Variants in UBN2 observed in about 807,000 individuals in gnomAD.
UBN2 encodes ubinuclein 2.
A neutral mutation model predicts 120.2 loss-of-function variants in UBN2; 35 were observed. That is an observed-to-expected ratio of 0.29 (90% CI 0.22 to 0.39). UBN2 has a LOEUF of 0.39. Among genes scored for constraint, UBN2 ranks in the 10% least tolerant of loss-of-function variants. The pLI, the probability that UBN2 is intolerant of heterozygous loss-of-function variation, is 1.00. For missense variants in UBN2, 1,693 were observed against 1,663.2 expected (o/e 1.02, Z -0.31); for synonymous variants, 661 against 648.7 (o/e 1.02, Z -0.29).
chr7:139,251,160 T>C (rs923293608), intron 2 of UBN2, among the ~76,000 whole-genome samples: 7 of 152,040 alleles, frequency 4.6e-5, no homozygotes, highest in East Asian at 1.9e-4. Flanking sequence ...GCCTGGGCAA[T>C]AGAGCAAGAC....
chr7:139,326,537 G>A, the UBN2 span, among the ~76,000 whole-genome samples: 1 of 151,754 alleles, frequency 6.6e-6, no homozygotes, highest in South Asian at 2.1e-4. Flanking sequence ...CAGAAGCTTT[G>A]TGAGTATAGG....
the UBN2 span, among the ~76,000 whole-genome samples, chr7:139,317,900 TGA>T: frequency 6.6e-6 from 1 of 152,268 alleles, no homozygotes; most frequent in Admixed American, 6.5e-5. Flanking sequence ...TGACCTCAGG[TGA>T]CCCACCCGCC....
At chr7:139,318,504 T>C in the UBN2 span, among the ~76,000 whole-genome samples, 1 of 152,036 alleles carries the variant, frequency 6.6e-6, no homozygotes, top group African/African-American at 2.4e-5. Flanking sequence ...GGCTATTTTA[T>C]TTGTTTGTTT....
chr7:139,286,465 T>C (rs1211660426), intron 15 of UBN2, among the ~76,000 whole-genome samples: 1 of 152,224 alleles, frequency 6.6e-6, no homozygotes, highest in Non-Finnish European at 1.5e-5. Flanking sequence ...TCCTTTATGT[T>C]AATGATTTAG....
intron 7 of UBN2, among the ~76,000 whole-genome samples, chr7:139,268,006 G>T (rs1245160373): frequency 6.6e-6 from 1 of 152,150 alleles, no homozygotes; most frequent in Non-Finnish European, 1.5e-5. Context: ...TTCCACCTGG[G>T]AACCCGAAGT....
chr7:139,311,360 CTG>C (rs1203231664), downstream of UBN2, among the ~76,000 whole-genome samples: 5 of 152,184 alleles, frequency 3.3e-5, no homozygotes, highest in Non-Finnish European at 5.9e-5. Context: ...TCTGTTGTCT[CTG>C]TGTTTGTCCC....
intron 16 of UBN2, 122 bp from the exon 17 acceptor site, chr7:139,293,767 A>G: frequency 1.2e-6 from 1 of 858,530 alleles, no homozygotes; most frequent in Non-Finnish European, 1.9e-6. Flanking sequence ...AACGTGCTCT[A>G]GTTTTAGAAG....
chr7:139,266,419 T>C lies in UBN2; in HGVS notation c.1466+16T>C. ...TTCTTCTGGAGTAAGTAATTTTCTT[T>C]AAAAAAAAAAACCTTAAGAATGATA... On this transcript the variant is annotated intron_variant, in intron 7 of 17. Coordinates refer to ENST00000473989, the MANE Select transcript of UBN2 (RefSeq NM_173569.4). The C allele has an allele frequency of 1.8e-6, 2 of 1,108,982 alleles. No individual in the cohort carries two copies. The highest frequency in any genetic ancestry group is 2.5e-6 in the Non-Finnish European group (2 of 796,218). The allele number at this position is 1,108,982 out of a possible 1,614,324, so 68.7% of individuals were successfully genotyped here.
At chr7:139,294,835 C>T (rs1015981218) in intron 17 of UBN2, among the ~76,000 whole-genome samples, 12 of 151,942 alleles carry the variant, frequency 7.9e-5, no homozygotes, top group Non-Finnish European at 1.5e-4. Flanking sequence ...AGTAAGACTC[C>T]GTCTCAAAAA....
At chr7:139,261,196 G>A in intron 5 of UBN2, 56 bp from the exon 6 acceptor site, 1 of 1,520,378 alleles carries the variant, frequency 6.6e-7, no homozygotes, top group Non-Finnish European at 8.8e-7. Context: ...TTATTTATGT[G>A]ACACTTTAAC....
chr7:139,248,182 G>T (rs573494804), intron 2 of UBN2, among the ~76,000 whole-genome samples: 39 of 152,232 alleles, frequency 2.6e-4, no homozygotes, highest in African/African-American at 9.1e-4. Flanking sequence ...GTAATGGTTC[G>T]AAATAAGCTA....
At chr7:139,236,550 A>G (rs1243365359) in intron 1 of UBN2, among the ~76,000 whole-genome samples, 2 of 152,218 alleles carry the variant, frequency 1.3e-5, no homozygotes, top group Non-Finnish European at 2.9e-5. Flanking sequence ...CTAGAATTAT[A>G]AGTGAGATTT....
intron 2 of UBN2, among the ~76,000 whole-genome samples, chr7:139,244,507 T>TA (rs548953543): frequency 1.1e-4 from 16 of 150,808 alleles, no homozygotes; most frequent in South Asian, 2.1e-4. Flanking sequence ...CCCCATCTCT[T>TA]AAAAAAAAAG....
At chr7:139,313,778 G>A in the UBN2 span, among the ~76,000 whole-genome samples, 5 of 151,778 alleles carry the variant, frequency 3.3e-5, no homozygotes, top group Non-Finnish European at 5.9e-5. Flanking sequence ...TGGGAAGGTT[G>A]ATTATATGCA....
chr7:139,256,293 A>C (rs1044851456), intron 3 of UBN2, among the ~76,000 whole-genome samples: 5 of 152,204 alleles, frequency 3.3e-5, no homozygotes, highest in African/African-American at 1.2e-4. Flanking sequence ...GTGATCCTTA[A>C]ATTTTTCTTA....
intron 1 of UBN2, among the ~76,000 whole-genome samples, chr7:139,234,556 A>G (rs1337049370): frequency 2.6e-5 from 4 of 152,174 alleles, no homozygotes; most frequent in African/African-American, 4.8e-5. Context: ...TGTGATTGAG[A>G]TGGTTTAGGA....
Position 139,307,784 on chromosome 7 carries a change from A to G in UBN2, c.*9948A>G, listed in dbSNP as rs565979954. On this transcript the variant is annotated 3_prime_UTR_variant, in exon 18 of 18. Coordinates refer to ENST00000473989, the MANE Select transcript of UBN2 (RefSeq NM_173569.4). ...AGTTCTACGTGCCCTTTGAACTTTA[A>G]TGGTAAAACATTTCACACTTTGGAT... is the stretch of plus-strand genomic sequence containing the variant. 5 of 152,308 alleles carry G rather than the reference A, an allele frequency of 3.3e-5. No homozygotes were observed. Among genetic ancestry groups the G allele is most frequent in the African/African-American group, 9.6e-5 (4 of 41,550 alleles). 9.4% of individuals were successfully genotyped at this position (152,308 alleles called of 1,614,324 possible).
At chr7:139,253,851 C>G (rs1373671658) in intron 3 of UBN2, among the ~76,000 whole-genome samples, 3 of 152,232 alleles carry the variant, frequency 2.0e-5, no homozygotes. Flanking sequence ...GTGACTATTA[C>G]ACTACCCACA....
chr7:139,238,798 A>G (rs188546557), intron 2 of UBN2, among the ~76,000 whole-genome samples: 47 of 152,248 alleles, frequency 3.1e-4, no homozygotes, highest in African/African-American at 9.6e-4. Context: ...TTCTGTGACT[A>G]TATAATAATA....
Sources: allele counts gnomAD v4.1 joint callset (sites outside exome capture counted in the v4.1 genomes callset), GRCh38; gene constraint gnomAD v4.1.1; transcripts MANE v1.5; gene names NCBI Gene and HGNC (gene_info 2026-07-23, HGNC 2026-07-21).